The following GNAS variants were observed in gnomAD, a reference collection of about 807,000 sequenced individuals.
The protein encoded by GNAS is protein ALEX.
In GNAS, 8 loss-of-function variants were observed where a neutral mutation model predicts 54.5. That is an observed-to-expected ratio of 0.15 (90% CI 0.09 to 0.26). The LOEUF is 0.26. Ranked by LOEUF, GNAS falls within the 10% of genes least tolerant of loss-of-function variation. The pLI is 1.00. For synonymous variants in GNAS, 204 were observed against 191.4 expected (o/e 1.07, Z -0.54); for missense variants, 170 against 529.8 (o/e 0.32, Z 6.67).
chr20:58,852,210 C>A (rs971152291), intron 1 of GNAS, among the ~76,000 whole-genome samples: 1 of 152,104 alleles, frequency 6.6e-6, no homozygotes, highest in African/African-American at 2.4e-5. Context: ...CAAGAGAGCA[C>A]CCTGCTTGCG....
rs201642903 is a variant in GNAS, at chr20:58,910,418, T to C, written c.1038+17T>C. On this transcript the variant is annotated intron_variant, in intron 12 of 12. Coordinates refer to ENST00000371085, the MANE Select transcript of GNAS (RefSeq NM_000516.7). This position sits in a 1 kb window ranked among gnomAD's most constrained non-coding sequence, Gnocchi z 5.8. ...GAGTTTCTGGTGAGTCGAGCCTGTCTTTAGTTTCCTCTCTTGTTCCTCCTC... is the reference window on the plus strand; with the variant it reads ...GAGTTTCTGGTGAGTCGAGCCTGTCCTTAGTTTCCTCTCTTGTTCCTCCTC... 4.4e-6 allele frequency: 7 copies of C among 1,584,244 alleles called. No homozygotes were observed. In the East Asian group the frequency reaches 1.1e-4, roughly 25 times the overall value.
At chr20:58,897,662 G>A (rs998645613) in intron 2 of GNAS, 1 of 152,128 alleles carries the variant, frequency 6.6e-6, no homozygotes, top group Non-Finnish European at 1.5e-5. Flanking sequence ...TCTCTTTTCT[G>A]TTTTCTTTTT....
chr20:58,872,718 C>G (rs1039495161), intron 1 of GNAS, among the ~76,000 whole-genome samples: 2 of 151,650 alleles, frequency 1.3e-5, no homozygotes, highest in African/African-American at 4.8e-5. Context: ...AGAACAGGGA[C>G]AAGGTTGATT....
rs1240654937 is a variant in GNAS at position 58,841,696 on chromosome 20, C to T, written c.43+810C>T. ...GGGAAAGGTAGAGGAGGTAAGGGGA[C>T]CCTTGGGGATGCCCCTACGGGCTAC... On this transcript the variant is annotated intron_variant, in intron 1 of 12. Coordinates refer to the GNAS transcript ENST00000306090. This position sits in a 1 kb window ranked among gnomAD's most constrained non-coding sequence, Gnocchi z 5.0. 2.0e-5 allele frequency: 24 copies of T among 1,204,844 alleles called. No homozygotes were observed. Among genetic ancestry groups the T allele is most frequent in the Non-Finnish European group, 2.5e-5 (24 of 971,004 alleles). 74.6% of individuals were successfully genotyped at this position (1,204,844 alleles called of 1,614,324 possible).
chr20:58,881,780 G>A (rs561322006), intron 1 of GNAS: 2 of 152,256 alleles, frequency 1.3e-5, no homozygotes, highest in African/African-American at 2.4e-5. Flanking sequence ...TTATTTCTTG[G>A]TGTTAGGTCA....
chr20:58,910,100 C>T lies in GNAS; in HGVS notation c.970+19C>T, dbSNP rs2146295033. 3.1e-6 allele frequency: 5 copies of T among 1,612,972 alleles called. No individual in the cohort carries two copies. The highest frequency in any genetic ancestry group is 1.3e-5 in the African/African-American group (1 of 75,016). ...GAGGATGGTGTGTATGGCTTCCACT[C>T]TTGCTGGCTGTTCATTGCGGTGGTT... On this transcript the variant is annotated intron_variant, in intron 11 of 12. Coordinates refer to ENST00000371085, the MANE Select transcript of GNAS (RefSeq NM_000516.7). This position sits in a 1 kb window ranked among gnomAD's most constrained non-coding sequence, Gnocchi z 5.8.
At position 58,903,555 on chromosome 20, in the gene GNAS, C is replaced by T. The variant is rs1165168941; in HGVS notation, c.282C>T (p.Asp94=). 7 of 1,614,068 alleles carry T rather than the reference C, an allele frequency of 4.3e-6. No individual in the cohort carries two copies. The highest frequency in any genetic ancestry group is 5.9e-6 in the Non-Finnish European group (7 of 1,179,920). ...SDGEKATKVQ[D]IKNNLKEAIE... The stretch of plus-strand genomic sequence containing the variant: ...GTGAGAAGGCAACCAAAGTGCAGGA[C>T]ATCAAAAACAACCTGAAAGAGGCGA... The change falls in exon 4 of 13, where the codon GAC becomes GAT. Residue 94 remains aspartate, a synonymous_variant. Coordinates refer to ENST00000371085, the MANE Select transcript of GNAS (RefSeq NM_000516.7).
At position 58,903,511 on chromosome 20, in the gene GNAS, T is replaced by C; in HGVS notation, c.258-20T>C. On this transcript the variant is annotated intron_variant, in intron 3 of 12. Coordinates refer to ENST00000371085, the MANE Select transcript of GNAS (RefSeq NM_000516.7). ...GACATGGTGCAATATGATTTTCTTT[T>C]CTTTTCAATCCCACTGCAGTGAGAA... 1 of 1,606,128 alleles carries C rather than the reference T, an allele frequency of 6.2e-7. No homozygotes were observed. Among genetic ancestry groups the C allele is most frequent in the Non-Finnish European group, 8.5e-7 (1 of 1,172,708 alleles).
In GNAS at chr20:58,853,287, T is replaced by A; in HGVS notation, c.43+12401T>A. On this transcript the variant is annotated intron_variant, in intron 1 of 12. Coordinates refer to the GNAS transcript ENST00000306090. The surrounding 1 kb of genome is among the most constrained non-coding windows in gnomAD (Gnocchi z 4.4). ...TGTTATGGGCGTGCGCAACTGCCTC[T>A]ACGGCAATAATATGTCAGGACAACG... The A allele has an allele frequency of 6.5e-7, 1 of 1,549,120 alleles. No individual in the cohort carries two copies.
intron 1 of GNAS, among the ~76,000 whole-genome samples, chr20:58,870,386 G>A (rs918580594): frequency 3.9e-5 from 6 of 152,232 alleles, no homozygotes; most frequent in Admixed American, 6.5e-5. Context: ...CCTGTAGACC[G>A]TGGGGAACAG....
intron 2 of GNAS, chr20:58,897,540 TACTG>T (rs1416295661): frequency 3.9e-5 from 6 of 152,348 alleles, no homozygotes; most frequent in East Asian, 1.9e-4. Context: ...TGAAATAAAT[TACTG>T]ACAGCTTCAT....
intron 1 of GNAS, among the ~76,000 whole-genome samples, chr20:58,892,922 A>C (rs936038083): frequency 7.3e-6 from 1 of 136,426 alleles, no homozygotes; most frequent in South Asian, 2.7e-4. Context: ...TTAATAAACC[A>C]TTAAAAAAAA....
At chr20:58,897,971 A>G (rs1048167699) in intron 2 of GNAS, 7 of 152,222 alleles carry the variant, frequency 4.6e-5, no homozygotes, top group African/African-American at 1.7e-4. Flanking sequence ...CGGCTGAGCT[A>G]TTAAATTTGC....
At position 58,853,862 on chromosome 20, in the gene GNAS, C is replaced by G. The variant is rs781526124; in HGVS notation, c.43+12976C>G. 1 of 1,594,130 alleles carries G rather than the reference C, an allele frequency of 6.3e-7. No individual in the cohort carries two copies. The highest frequency in any genetic ancestry group is 8.5e-7 in the Non-Finnish European group (1 of 1,171,000). ...CTGCAGGGGTCCCCGGAGCTCCTCCCGAGGAGCCCCAAGCCCTCAGGCCTG... is the reference window on the plus strand; with the variant it reads ...CTGCAGGGGTCCCCGGAGCTCCTCCGGAGGAGCCCCAAGCCCTCAGGCCTG... On this transcript the variant is annotated intron_variant, in intron 1 of 12. Transcript: ENST00000306090. The surrounding 1 kb of genome is among the most constrained non-coding windows in gnomAD (Gnocchi z 4.4).
At chr20:58,893,947 A>G (rs1017466328) in intron 1 of GNAS, among the ~76,000 whole-genome samples, 1 of 152,246 alleles carries the variant, frequency 6.6e-6, no homozygotes, top group Non-Finnish European at 1.5e-5. Context: ...CCTAGTCTAT[A>G]TGACTACATT....
Position 58,891,656 on chromosome 20 carries a change from CGGCCCGCGT to C in GNAS, c.-69_-61del. The C allele has an allele frequency of 1.0e-6, 1 of 973,586 alleles. No homozygotes were observed. Among genetic ancestry groups the C allele is most frequent in the Non-Finnish European group, 1.2e-6 (1 of 824,370 alleles). 60.3% of individuals were successfully genotyped at this position (973,586 alleles called of 1,614,324 possible). ...CCGCCCGGCGCTGCCCCGGCCCTCC[CGGCCCGCGT>C]GAGGCCGCCCGCGCCCGCCGCCGCC... On this transcript the variant is annotated 5_prime_UTR_variant, in exon 1 of 13. Transcript: ENST00000371085.
chr20:58,845,737 C>T (rs1265199944), intron 1 of GNAS, among the ~76,000 whole-genome samples: 2 of 152,196 alleles, frequency 1.3e-5, no homozygotes, highest in African/African-American at 4.8e-5. Flanking sequence ...GGTCCAAGCA[C>T]TAGTGGCCAT....
chr20:58,903,879 G>A, intron 5 of GNAS, 88 bp downstream of exon 5: 2 of 1,413,540 alleles, frequency 1.4e-6, no homozygotes, highest in Non-Finnish European at 2.0e-6. Context: ...CCCTGCACAT[G>A]GGCAGGAGCA....
intron 1 of GNAS, chr20:58,850,646 ATCT>A (rs1225545797): frequency 2.8e-5 from 11 of 399,102 alleles, no homozygotes; most frequent in Middle Eastern, 6.2e-4. Flanking sequence ...AGCCCTGGAA[ATCT>A]TCTTGCTCCT....
Sources: gnomAD v4.1 joint callset for allele counts (sites outside exome capture counted in the v4.1 genomes callset) on GRCh38, gnomAD v4.1.1 for gene constraint, Gnocchi (gnomAD v3.1) non-coding constraint, MANE v1.5 for transcripts, NCBI Gene and HGNC (gene_info 2026-07-23, HGNC 2026-07-21) for gene names.